Variants in GREP1 observed in about 807,000 individuals in gnomAD.
GREP1 encodes the protein glycine-rich extracellular protein 1.
intron 27 of GREP1, among the ~76,000 whole-genome samples, chr16:2,999,479 C>CTTTTTTTT (rs35368761): frequency 2.6e-5 from 2 of 75,502 alleles, no homozygotes; most frequent in Non-Finnish European, 4.8e-5. Context: ...CCCTCTTGCT[C>CTTTTTTTT]TTTTTTTTTT....
rs2072382900 is a variant in GREP1 at position 2,988,586 on chromosome 16, G to A, written c.68-4G>A. Reference sequence around the variant, plus strand: ...CTTGAGTCAGCACTGTCTTGCTTCCGCAGGGCTGCCCCTTCTGCCTCCTGG... The same window carrying A: ...CTTGAGTCAGCACTGTCTTGCTTCCACAGGGCTGCCCCTTCTGCCTCCTGG... On this transcript the variant is annotated splice_polypyrimidine_tract_variant and splice_region_variant and intron_variant, in intron 1 of 34. Transcript: ENST00000573315. The A allele has an allele frequency of 7.5e-6, 3 of 399,082 alleles. No homozygotes were observed. The highest frequency in any genetic ancestry group is 4.1e-5 in the African/African-American group (2 of 48,638). The allele number at this position is 399,082 out of a possible 1,614,324, so 24.7% of individuals were successfully genotyped here.
intron 27 of GREP1, chr16:2,999,316 C>T (rs1596463187): frequency 2.5e-6 from 1 of 398,724 alleles, no homozygotes; most frequent in Non-Finnish European, 4.4e-6. Flanking sequence ...AGTCTGTCTG[C>T]CCCCAGGCCC....
chr16:2,995,960 T>A (rs2072422549), intron 18 of GREP1, 189 bp downstream of exon 17: 2 of 388,152 alleles, frequency 5.2e-6, no homozygotes, highest in East Asian at 7.2e-5. Flanking sequence ...TGAGATGGAG[T>A]CTTGCTCTGT....
At chr16:2,995,844 C>T (rs1482798886) in intron 17 of GREP1, 73 bp downstream of exon 17, 1 of 398,486 alleles carries the variant, frequency 2.5e-6, no homozygotes, top group Non-Finnish European at 4.4e-6. Context: ...ACTCATGCTC[C>T]CTCCCTCTCC....
In GREP1 at chr16:2,992,969, C is replaced by G. The variant is rs917421766; in HGVS notation, c.385+6C>G. On this transcript the variant is annotated splice_donor_region_variant and intron_variant, in intron 10 of 34. Coordinates refer to ENST00000573315, the Ensembl canonical transcript of GREP1. This position sits in a 1 kb window ranked among gnomAD's most constrained non-coding sequence, Gnocchi z 4.9. ...TGGAAAACCCCAGAAGCCAGGTGAG[C>G]CACTCCCTGTCCCTGTCTCCCTGCC... 1 of 398,978 alleles carries G rather than the reference C, an allele frequency of 2.5e-6. No individual in the cohort carries two copies. Among genetic ancestry groups the G allele is most frequent in the African/African-American group, 2.1e-5 (1 of 48,632 alleles). The allele number at this position is 398,978 out of a possible 1,614,324, so 24.7% of individuals were successfully genotyped here.
At chr16:2,999,222 C>T (rs1208701770) in intron 26 of GREP1, 8 of 398,626 alleles carry the variant, frequency 2.0e-5, no homozygotes, top group Non-Finnish European at 3.5e-5. Flanking sequence ...AAGCCCTCGG[C>T]TGGGCTCACT....
intron 18 of GREP1, 138 bp from the exon 18 acceptor site, chr16:2,996,358 G>C (rs2072424765): frequency 5.0e-6 from 2 of 397,134 alleles, no homozygotes; most frequent in Non-Finnish European, 8.9e-6. Context: ...CTCTGCCTCT[G>C]TGTCTCTCTG....
In GREP1 at chr16:2,992,917, C is replaced by A; in HGVS notation, c.353-14C>A. On this transcript the variant is annotated splice_polypyrimidine_tract_variant and intron_variant, in intron 9 of 34. Coordinates refer to ENST00000573315, the Ensembl canonical transcript of GREP1. The surrounding 1 kb of genome is among the most constrained non-coding windows in gnomAD (Gnocchi z 4.9). ...CAGAGGAAAGGATCCCTCACCCTCT[C>A]ATCTTCCCCCCAGGCTTTGGAGGGG... is the stretch of plus-strand genomic sequence containing the variant. The A allele has an allele frequency of 2.5e-6, 1 of 399,120 alleles. No individual in the cohort carries two copies. 24.7% of individuals were successfully genotyped at this position (399,120 alleles called of 1,614,324 possible).
chr16:2,990,940 G>C (rs2072395878), intron 7 of GREP1, 108 bp from the exon 7 acceptor site: 2 of 398,804 alleles, frequency 5.0e-6, no homozygotes, highest in African/African-American at 4.1e-5. Flanking sequence ...GAAGCCAGAG[G>C]CGAGGCCGCC....
At chr16:3,000,718 G>A (rs2072456765) in exon 33 of GREP1, 1 of 398,926 alleles carries the variant, frequency 2.5e-6, no homozygotes, top group Non-Finnish European at 4.4e-6. Flanking sequence ...CCACAGGGCA[G>A]GCCGGGGTGC....
chr16:2,995,499 G>T, intron 15 of GREP1, 120 bp from the exon 16 acceptor site: 1 of 398,850 alleles, frequency 2.5e-6, no homozygotes, highest in East Asian at 3.6e-5. Context: ...TCCCTTCCCA[G>T]TCTCATGGGG....
Position 2,992,618 on chromosome 16 carries a change from G to T in GREP1, c.323-187G>T. 1 of 391,756 alleles carries T rather than the reference G, an allele frequency of 2.6e-6. No individual in the cohort carries two copies. Among genetic ancestry groups the T allele is most frequent in the Admixed American group, 4.4e-5 (1 of 22,484 alleles). 24.3% of individuals were successfully genotyped at this position (391,756 alleles called of 1,614,324 possible). A position where few individuals can be genotyped will look rare whatever the true frequency, so the allele number is the denominator to read the frequency against. ...ACCCAAGCTGGTCAAGGGTGGCCAC[G>T]GTCTGGACTCCCGGGCCAAGAACCA... is the stretch of plus-strand genomic sequence containing the variant. On this transcript the variant is annotated intron_variant, in intron 8 of 34. Coordinates refer to ENST00000573315, the Ensembl canonical transcript of GREP1. This position sits in a 1 kb window ranked among gnomAD's most constrained non-coding sequence, Gnocchi z 4.9.
intron 5 of GREP1, 151 bp downstream of exon 5, chr16:2,990,273 C>G: frequency 5.0e-6 from 2 of 397,978 alleles, no homozygotes. Flanking sequence ...GTCTTGTACC[C>G]CCACCTCAGC....
chr16:2,998,235 C>A (rs1231384496), intron 23 of GREP1, 121 bp from the exon 22 acceptor site: 2 of 397,964 alleles, frequency 5.0e-6, no homozygotes, highest in African/African-American at 2.1e-5. Context: ...CACCAGGGAC[C>A]TGGCTGGGGC....
chr16:2,998,469 A>G lies in GREP1; in HGVS notation c.983-25A>G, dbSNP rs1047303623. ...TAGCCTCTGCCCCCAGTGTTGCCAC[A>G]CTCATCTCTGCTTTCCCTCTCCAGG... On this transcript the variant is annotated intron_variant, in intron 24 of 34. Transcript: ENST00000573315. The G allele has an allele frequency of 1.5e-5, 6 of 398,742 alleles. No individual in the cohort carries two copies. In the South Asian group the frequency reaches 5.1e-4, roughly 34 times the overall value. 24.7% of individuals were successfully genotyped at this position (398,742 alleles called of 1,614,324 possible).
chr16:2,989,637 C>T lies in GREP1; in HGVS notation c.130+85C>T, dbSNP rs578077316. The T allele has an allele frequency of 1.7e-5, 6 of 347,160 alleles. No individual in the cohort carries two copies. Among genetic ancestry groups the T allele is most frequent in the East Asian group, 3.9e-5 (1 of 25,960 alleles). 21.5% of individuals were successfully genotyped at this position (347,160 alleles called of 1,614,324 possible). A position where few individuals can be genotyped will look rare whatever the true frequency, so the allele number is the denominator to read the frequency against. ...CAGGACAGGAACAGGGAAAGCTGGG[C>T]GGGGGGCAGGTAAAGGGGGAAGCAG... On this transcript the variant is annotated intron_variant, in intron 3 of 34. Coordinates refer to ENST00000573315, the Ensembl canonical transcript of GREP1. The surrounding 1 kb of genome is among the most constrained non-coding windows in gnomAD (Gnocchi z 4.2).
intron 29 of GREP1, 88 bp downstream of exon 26, chr16:3,000,206 G>A (rs1304239906): frequency 5.0e-6 from 2 of 399,394 alleles, no homozygotes; most frequent in South Asian, 2.5e-4. Flanking sequence ...GCATCCCCCT[G>A]TCTATGAGCT....
chr16:3,001,877 CCTCAGGGAGGGCATCA>C, exon 35 of GREP1: 1 of 371,584 alleles, frequency 2.7e-6, no homozygotes, highest in Non-Finnish European at 4.8e-6. Context: ...CAACGCCTGC[CCTCAGGGAGGGCATCA>C]CTTGGTGACC....
exon 33 of GREP1, chr16:3,000,741 G>A (rs1596463649): frequency 7.5e-6 from 3 of 398,842 alleles, no homozygotes; most frequent in Admixed American, 4.4e-5. Flanking sequence ...TGGAACTCTC[G>A]CTGGCCCACC....
Sources: allele counts gnomAD v4.1 joint callset (sites outside exome capture counted in the v4.1 genomes callset), GRCh38; gene constraint gnomAD v4.1.1; non-coding constraint Gnocchi (gnomAD v3.1); transcripts MANE v1.5; gene names NCBI Gene and HGNC (gene_info 2026-07-23, HGNC 2026-07-21).